Variants in CEP164 observed in about 807,000 individuals in gnomAD.
The protein encoded by CEP164 is centrosomal protein of 164 kDa.
Under a neutral mutation model 182.7 loss-of-function variants are expected in CEP164, and 162 were observed. The ratio of observed to expected loss-of-function variants is 0.89; its 90% CI spans 0.78 to 1.01. The LOEUF is 1.01. CEP164 is among the 50% of genes least tolerant of loss of function. The pLI, the probability that CEP164 is intolerant of heterozygous loss-of-function variation, is 0.00. For synonymous variants in CEP164, 661 were observed against 690.0 expected (o/e 0.96, Z 0.66); for missense variants, 1,735 against 1,790.4 (o/e 0.97, Z 0.56).
At chr11:117,353,522 T>C (rs1205301235) in intron 5 of CEP164, among the ~76,000 whole-genome samples, 1 of 152,162 alleles carries the variant, frequency 6.6e-6, no homozygotes, top group East Asian at 1.9e-4. Flanking sequence ...GTGAGGGTTC[T>C]GGGGTGGAGA....
intron 5 of CEP164, chr11:117,359,329 G>T: frequency 1.3e-6 from 1 of 779,808 alleles, no homozygotes; most frequent in Non-Finnish European, 1.6e-6. Flanking sequence ...GTGGTTGTGA[G>T]AGTAAAATAA....
chr11:117,397,353 G>T, intron 27 of CEP164, 40 bp downstream of exon 27: 1 of 1,568,670 alleles, frequency 6.4e-7, no homozygotes, highest in South Asian at 1.2e-5. Flanking sequence ...CCTGTGTGGG[G>T]GAGGCGGGGG....
In CEP164 at chr11:117,396,634, A is replaced by G. The variant is rs1389374277; in HGVS notation, c.3278+23A>G. ...CAGGTGAGTTCCCATAGCCTGTCTT[A>G]TTTGAGGTTAGGGTACCATGAAGGG... On this transcript the variant is annotated intron_variant, in intron 26 of 32. Coordinates refer to ENST00000278935, the MANE Select transcript of CEP164 (RefSeq NM_014956.5). The G allele has an allele frequency of 9.4e-6, 15 of 1,591,490 alleles. No homozygotes were observed. In the African/African-American group the frequency reaches 1.5e-4, roughly 16 times the overall value.
intron 3 of CEP164, among the ~76,000 whole-genome samples, chr11:117,342,399 A>G (rs1032496538): frequency 6.6e-6 from 1 of 152,088 alleles, no homozygotes; most frequent in Non-Finnish European, 1.5e-5. Flanking sequence ...TGTCATTTGA[A>G]TATTTATTTA....
At chr11:117,404,446 C>T (rs1363619376) in intron 27 of CEP164, among the ~76,000 whole-genome samples, 2 of 152,222 alleles carry the variant, frequency 1.3e-5, no homozygotes, top group African/African-American at 4.8e-5. Flanking sequence ...TGGAGGTCCA[C>T]TCTAGACCCT....
At chr11:117,357,847 T>A (rs1406707265) in intron 5 of CEP164, among the ~76,000 whole-genome samples, 4 of 152,204 alleles carry the variant, frequency 2.6e-5, no homozygotes, top group African/African-American at 9.6e-5. Context: ...CAGGCTTGTG[T>A]AGACCATATT....
intron 27 of CEP164, among the ~76,000 whole-genome samples, chr11:117,404,980 C>G (rs1369654467): frequency 6.6e-6 from 1 of 152,176 alleles, no homozygotes; most frequent in African/African-American, 2.4e-5. Flanking sequence ...TAATGGCAAG[C>G]CTTAGTAATG....
At chr11:117,406,074 G>A (rs887918995) in intron 27 of CEP164, among the ~76,000 whole-genome samples, 1 of 152,050 alleles carries the variant, frequency 6.6e-6, no homozygotes, top group Admixed American at 6.5e-5. Context: ...ACATTTTTGG[G>A]TATCTTTTCA....
Position 117,394,304 on chromosome 11 carries a change from A to G in CEP164, c.2617-46A>G. 6.4e-7 allele frequency: 1 copy of G among 1,557,822 alleles called. No individual in the cohort carries two copies. The highest frequency in any genetic ancestry group is 8.7e-7 in the Non-Finnish European group (1 of 1,150,360). On this transcript the variant is annotated intron_variant, in intron 20 of 32. Transcript: ENST00000278935. This position sits in a 1 kb window ranked among gnomAD's most constrained non-coding sequence, Gnocchi z 4.0. ...AGGGGAGCTGTGATTTTTGTGGTAGAAGGGGCTGCCGCAGCTTCCCACCGG... is the reference window on the plus strand; with the variant it reads ...AGGGGAGCTGTGATTTTTGTGGTAGGAGGGGCTGCCGCAGCTTCCCACCGG...
chr11:117,337,795 A>G (rs950772355), intron 2 of CEP164, among the ~76,000 whole-genome samples: 1 of 152,132 alleles, frequency 6.6e-6, no homozygotes, highest in Admixed American at 6.6e-5. Flanking sequence ...ACCCTGTGAT[A>G]CTTTGTTTCA....
At chr11:117,332,893 C>T (rs943044615) in intron 1 of CEP164, among the ~76,000 whole-genome samples, 1 of 152,210 alleles carries the variant, frequency 6.6e-6, no homozygotes. Context: ...GTTGAGGGTT[C>T]TGAGGCCATG....
chr11:117,362,738 C>T (rs1022708896), intron 7 of CEP164, among the ~76,000 whole-genome samples, 200 bp downstream of exon 7: 3 of 152,042 alleles, frequency 2.0e-5, no homozygotes, highest in African/African-American at 7.2e-5. Context: ...TTTTTCTGCA[C>T]TCCCCCGCCG....
intron 27 of CEP164, among the ~76,000 whole-genome samples, chr11:117,400,945 GA>G (rs1187512853): frequency 6.6e-6 from 1 of 152,144 alleles, no homozygotes; most frequent in African/African-American, 2.4e-5. Context: ...GAAACCATTT[GA>G]CTTCCTCTCT....
At chr11:117,341,349 C>T (rs187880420) in intron 3 of CEP164, among the ~76,000 whole-genome samples, 11 of 152,088 alleles carry the variant, frequency 7.2e-5, no homozygotes, top group Non-Finnish European at 1.3e-4. Context: ...TTAGTCCCCC[C>T]GCATCCCCAG....
intron 1 of CEP164, among the ~76,000 whole-genome samples, chr11:117,331,030 A>G (rs1306335702): frequency 6.6e-6 from 1 of 152,202 alleles, no homozygotes; most frequent in Non-Finnish European, 1.5e-5. Flanking sequence ...TACCTTCTCC[A>G]GTCAATCTTT....
At chr11:117,357,105 A>G (rs2040394077) in intron 5 of CEP164, among the ~76,000 whole-genome samples, 1 of 152,022 alleles carries the variant, frequency 6.6e-6, no homozygotes, top group African/African-American at 2.4e-5. Context: ...TTTTATTTTT[A>G]TTTTATTTTT....
Position 117,387,205 on chromosome 11 carries a change from G to A in CEP164, c.1727G>A (p.Arg576Gln), listed in dbSNP as rs757579833. 62 of 1,613,904 alleles carry A rather than the reference G, an allele frequency of 3.8e-5. No homozygotes were observed. The highest frequency in any genetic ancestry group is 1.6e-4 in the Middle Eastern group (1 of 6,084). ...SPTPPVSPEV[R>Q]STEPVAPPEQ... ...ATGCCATTCCCCACCCATGGTAGGC[G>A]ATCCACAGAGCCTGTGGCTCCCCCA... The change falls in exon 15 of 33, where the codon CGA becomes CAA. Residue 576 changes from arginine (R) to glutamine (Q), a missense_variant and splice_region_variant. Arg to Gln is a conservative substitution (Grantham distance 43, BLOSUM62 1). Transcript: ENST00000278935.
chr11:117,352,007 C>A lies in CEP164; in HGVS notation c.393+19C>A. 1 of 1,553,800 alleles carries A rather than the reference C, an allele frequency of 6.4e-7. No individual in the cohort carries two copies. The highest frequency in any genetic ancestry group is 8.7e-7 in the Non-Finnish European group (1 of 1,148,626). On this transcript the variant is annotated intron_variant, in intron 5 of 32. Transcript: ENST00000278935. ...TTCGCTGGTGAGTCAGTGGATGCCT[C>A]CTCCCAGAGAGGCCAGGGCTGAAAT...
In CEP164 at chr11:117,387,293, A is replaced by G. The variant is rs1592325888; in HGVS notation, c.1815A>G (p.Gln605=). The G allele has an allele frequency of 1.9e-6, 3 of 1,614,098 alleles. No homozygotes were observed. The highest frequency in any genetic ancestry group is 2.5e-6 in the Non-Finnish European group (3 of 1,180,042). ...MEEAVAQVLE[Q]DQRHLLESKQ... ...AGGCAGTGGCCCAAGTACTCGAGCA[A>G]GACCAGAGGCACCTGCTGGAATCCA... The change falls in exon 15 of 33, where the codon CAA becomes CAG. Residue 605 remains glutamine (Q), a synonymous_variant. Coordinates refer to ENST00000278935, the MANE Select transcript of CEP164 (RefSeq NM_014956.5).
Sources: gnomAD v4.1 joint callset for allele counts (sites outside exome capture counted in the v4.1 genomes callset) on GRCh38, gnomAD v4.1.1 for gene constraint, Gnocchi (gnomAD v3.1) non-coding constraint, MANE v1.5 for transcripts, NCBI Gene and HGNC (gene_info 2026-07-23, HGNC 2026-07-21) for gene names.